ARHGAP17: variants seen among roughly 807,000 people sequenced by gnomAD.
ARHGAP17 encodes the protein rho GTPase-activating protein 17.
ARHGAP17 carries 57 observed loss-of-function variants against 99.5 expected under a neutral mutation model. That is an observed-to-expected ratio of 0.57 (90% CI 0.46 to 0.71). The LOEUF is 0.71. Ranked by LOEUF, ARHGAP17 falls within the 30% of genes least tolerant of loss-of-function variation. ARHGAP17 has a pLI of 0.00. For synonymous variants in ARHGAP17, 417 were observed against 429.6 expected, an observed-to-expected ratio of 0.97 and a Z score of 0.36; for missense variants, 1,000 against 1,122.4, an observed-to-expected ratio of 0.89 and a Z score of 1.56.
intron 15 of ARHGAP17, 38 bp downstream of exon 15, chr16:24,943,733 A>G (rs764021899): frequency 1.2e-5 from 18 of 1,563,996 alleles, no homozygotes; most frequent in Non-Finnish European, 1.6e-5. Flanking sequence ...CGATTATCAC[A>G]TTGCTTTGGC....
chr16:24,981,694 T>C (rs1192060507), intron 1 of ARHGAP17, among the ~76,000 whole-genome samples: 1 of 152,236 alleles, frequency 6.6e-6, no homozygotes, highest in Non-Finnish European at 1.5e-5. Flanking sequence ...TATTTGACTT[T>C]TTAAACTACA....
intron 19 of ARHGAP17, among the ~76,000 whole-genome samples, chr16:24,923,032 C>T (rs952645094): frequency 6.6e-6 from 1 of 152,118 alleles, no homozygotes; most frequent in Non-Finnish European, 1.5e-5. Flanking sequence ...GTACTATACA[C>T]CCACACTTTA....
At chr16:24,968,472 A>G (rs778902658) in intron 5 of ARHGAP17, 45 bp from the exon 6 acceptor site, 4 of 1,606,332 alleles carry the variant, frequency 2.5e-6, no homozygotes, top group Non-Finnish European at 2.6e-6. Context: ...CAGGGCTTTT[A>G]GGTTAACCAT....
intron 3 of ARHGAP17, 119 bp from the exon 4 acceptor site, chr16:24,970,699 G>T: frequency 1.2e-6 from 1 of 863,676 alleles, no homozygotes; most frequent in Non-Finnish European, 1.9e-6. Context: ...GTAGGAGACA[G>T]CCTGTCTGGG....
At chr16:24,964,377 T>G in intron 6 of ARHGAP17, 69 bp from the exon 7 acceptor site, 1 of 1,065,224 alleles carries the variant, frequency 9.4e-7, no homozygotes, top group Non-Finnish European at 1.4e-6. Flanking sequence ...AGGCAGGACC[T>G]GGTGGAGATA....
chr16:24,962,750 AGTAT>A (rs1263763074), intron 7 of ARHGAP17, among the ~76,000 whole-genome samples: 8 of 152,254 alleles, frequency 5.3e-5, no homozygotes, highest in African/African-American at 1.9e-4. Flanking sequence ...TTATTAAATA[AGTAT>A]GTTTAAAATG....
chr16:24,957,105 A>G (rs2051831996), intron 9 of ARHGAP17: 2 of 152,426 alleles, frequency 1.3e-5, no homozygotes, highest in South Asian at 2.1e-4. Context: ...AGAGAGGATG[A>G]CAGAGCCTAG....
At chr16:24,971,771 C>T (rs1212250036) in intron 3 of ARHGAP17, among the ~76,000 whole-genome samples, 1 of 152,192 alleles carries the variant, frequency 6.6e-6, no homozygotes, top group East Asian at 1.9e-4. Context: ...TTCCAGCTGG[C>T]AATGACCACA....
intron 16 of ARHGAP17, among the ~76,000 whole-genome samples, chr16:24,940,287 C>A (rs1316180995): frequency 6.6e-6 from 1 of 152,114 alleles, no homozygotes; most frequent in African/African-American, 2.4e-5. Flanking sequence ...GAAGTCAAGT[C>A]CAGAAGGCCT....
intron 3 of ARHGAP17, 37 bp downstream of exon 3, chr16:24,977,178 G>A (rs775398157): frequency 1.2e-5 from 18 of 1,493,862 alleles, no homozygotes; most frequent in Admixed American, 9.7e-5. Flanking sequence ...TCAGAGAGAC[G>A]CAGGAACTGT....
intron 17 of ARHGAP17, among the ~76,000 whole-genome samples, chr16:24,938,091 G>A (rs955417408): frequency 6.6e-6 from 1 of 152,138 alleles, no homozygotes; most frequent in South Asian, 2.1e-4. Context: ...GGCTGGGCGC[G>A]GTGGCTCACA....
At chr16:24,991,426 A>G (rs966147872) in intron 1 of ARHGAP17, among the ~76,000 whole-genome samples, 1 of 152,212 alleles carries the variant, frequency 6.6e-6, no homozygotes, top group African/African-American at 2.4e-5. Flanking sequence ...AAATTTATCA[A>G]GCTGTTCTAG....
At chr16:24,948,725 G>A (rs1245450918) in intron 13 of ARHGAP17, among the ~76,000 whole-genome samples, 1 of 151,670 alleles carries the variant, frequency 6.6e-6, no homozygotes, top group African/African-American at 2.4e-5. Flanking sequence ...CATATCACCT[G>A]TAAACTATTC....
chr16:25,006,976 A>C, intron 1 of ARHGAP17, among the ~76,000 whole-genome samples: 1 of 152,206 alleles, frequency 6.6e-6, no homozygotes, highest in East Asian at 1.9e-4. Context: ...TCTGAGAAGA[A>C]AGGAGATCGA....
intron 1 of ARHGAP17, among the ~76,000 whole-genome samples, chr16:25,003,903 T>C (rs984843730): frequency 2.0e-5 from 3 of 152,140 alleles, no homozygotes; most frequent in Middle Eastern, 3.4e-3. Context: ...ATTTAAATAC[T>C]ACAAATACTT....
intron 6 of ARHGAP17, among the ~76,000 whole-genome samples, chr16:24,964,966 T>C (rs2052130161): frequency 6.6e-6 from 1 of 150,662 alleles, no homozygotes; most frequent in African/African-American, 2.4e-5. Flanking sequence ...ACAATAATAA[T>C]GTAGGTATCA....
Position 24,964,194 on chromosome 16 carries a change from T to G in ARHGAP17, c.573+3A>C. 1 of 1,545,638 alleles carries G rather than the reference T, an allele frequency of 6.5e-7. No homozygotes were observed. The highest frequency in any genetic ancestry group is 8.7e-7 in the Non-Finnish European group (1 of 1,144,930). On this transcript the variant is annotated splice_donor_region_variant and intron_variant, in intron 7 of 19. Coordinates refer to ENST00000289968, the MANE Select transcript of ARHGAP17 (RefSeq NM_001006634.3). ...AGATACATTTATCAAGGAATTCTCA[T>G]ACCTTGCACTGTTCTACTTTATTTC...
chr16:25,006,738 T>C (rs900210489), intron 1 of ARHGAP17, among the ~76,000 whole-genome samples: 1 of 152,130 alleles, frequency 6.6e-6, no homozygotes, highest in African/African-American at 2.4e-5. Context: ...TGGGCTGGAT[T>C]TACCCTGCAG....
intron 19 of ARHGAP17, among the ~76,000 whole-genome samples, chr16:24,927,339 T>C (rs2050869067): frequency 6.6e-6 from 1 of 152,238 alleles, no homozygotes; most frequent in South Asian, 2.1e-4. Context: ...AGGTTGTGCC[T>C]AGCCTATGTT....
Sources: gnomAD v4.1 joint callset for allele counts (sites outside exome capture counted in the v4.1 genomes callset) on GRCh38, gnomAD v4.1.1 for gene constraint, MANE v1.5 for transcripts, NCBI Gene and HGNC (gene_info 2026-07-23, HGNC 2026-07-21) for gene names.